EHBP1: variants seen among roughly 807,000 people sequenced by gnomAD.
EHBP1 encodes EH domain-binding protein 1.
A neutral mutation model predicts 144.0 loss-of-function variants in EHBP1; 55 were observed. The ratio of observed to expected loss-of-function variants is 0.38; its 90% CI spans 0.31 to 0.48. EHBP1 has a LOEUF of 0.48. Among genes scored for constraint, EHBP1 ranks in the 20% least tolerant of loss-of-function variants. The pLI is 0.98. For synonymous variants in EHBP1, 469 were observed against 472.7 expected (o/e 0.99, Z 0.10); for missense variants, 1,200 against 1,364.2 (o/e 0.88, Z 1.90).
At chr2:62,781,069 T>A (rs1424914536) in intron 5 of EHBP1, among the ~76,000 whole-genome samples, 1 of 151,978 alleles carries the variant, frequency 6.6e-6, no homozygotes. Flanking sequence ...ATACTGAGAG[T>A]GTAATGGTGA....
intron 6 of EHBP1, among the ~76,000 whole-genome samples, chr2:62,829,544 C>G (rs2046628663): frequency 6.8e-6 from 1 of 147,712 alleles, no homozygotes; most frequent in African/African-American, 2.5e-5. Context: ...TATTTTGTTC[C>G]TTTTTAAGGC....
rs149910619 is a variant in EHBP1, at chr2:62,842,232, G to C, written c.634+11074G>C. 8.1e-3 allele frequency among the ~76,000 whole-genome samples: 1,228 copies of C among 152,166 alleles called. 11 individuals are homozygous for C. In the Middle Eastern group the frequency reaches 0.1, roughly 13 times the overall value. ...CTCCCGAGTAGCTGGGATCACAGGC[G>C]TGTGCCACCACACTCAGCTAATTTT... On this transcript the variant is annotated intron_variant, in intron 7 of 22. Coordinates refer to ENST00000431489, the MANE Select transcript of EHBP1 (RefSeq NM_001142616.3).
At chr2:62,862,938 T>C (rs922783042) in intron 8 of EHBP1, among the ~76,000 whole-genome samples, 2 of 151,992 alleles carry the variant, frequency 1.3e-5, no homozygotes, top group African/African-American at 4.8e-5. Context: ...TCGTGCTAAG[T>C]ACTACTACTA....
At chr2:62,688,957 T>G (rs1343306379) in intron 1 of EHBP1, among the ~76,000 whole-genome samples, 1 of 152,230 alleles carries the variant, frequency 6.6e-6, no homozygotes, top group Non-Finnish European at 1.5e-5. Context: ...GGTCCTGGTA[T>G]GCATACTGAG....
At chr2:62,715,997 C>T (rs775379864) in intron 2 of EHBP1, among the ~76,000 whole-genome samples, 12 of 151,818 alleles carry the variant, frequency 7.9e-5, no homozygotes, top group Non-Finnish European at 1.2e-4. Flanking sequence ...GAACATCTTG[C>T]TCTACACCCT....
intron 10 of EHBP1, among the ~76,000 whole-genome samples, chr2:62,879,952 ACTAT>A (rs776147438): frequency 9.9e-5 from 15 of 152,206 alleles, no homozygotes; most frequent in Non-Finnish European, 2.2e-4. Flanking sequence ...GAGGCATCAC[ACTAT>A]CTGACTTTAG....
chr2:62,855,841 C>T (rs1337720515), intron 7 of EHBP1, among the ~76,000 whole-genome samples: 1 of 152,138 alleles, frequency 6.6e-6, no homozygotes, highest in East Asian at 1.9e-4. Context: ...GTTCCAGGGC[C>T]TCCTGTCTGC....
At chr2:62,886,705 C>T (rs977446664) in intron 10 of EHBP1, among the ~76,000 whole-genome samples, 2 of 152,144 alleles carry the variant, frequency 1.3e-5, no homozygotes, top group Non-Finnish European at 2.9e-5. Context: ...CTTCAATCTG[C>T]TTTTACCTTT....
At chr2:62,884,201 C>T (rs987098831) in intron 10 of EHBP1, among the ~76,000 whole-genome samples, 5 of 152,010 alleles carry the variant, frequency 3.3e-5, no homozygotes, top group Admixed American at 2.0e-4. Flanking sequence ...GGAGGTATGC[C>T]GAACATTGAG....
At chr2:62,703,179 C>T (rs543087721), upstream of EHBP1, among the ~76,000 whole-genome samples, 58 of 151,742 alleles carry the variant, frequency 3.8e-4, no homozygotes, top group African/African-American at 1.4e-3. Flanking sequence ...GAAAAATTAG[C>T]CTATCAGTTA....
chr2:63,042,947 TA>T (rs1319394470), intron 21 of EHBP1, among the ~76,000 whole-genome samples: 3 of 152,070 alleles, frequency 2.0e-5, no homozygotes, highest in Non-Finnish European at 4.4e-5. Flanking sequence ...GGTTTCGAAG[TA>T]AATAATTATA....
At chr2:62,858,312 C>G (rs2049232692) in intron 7 of EHBP1, 1 of 730,650 alleles carries the variant, frequency 1.4e-6, no homozygotes, top group East Asian at 2.5e-5. Context: ...AACCAAACAT[C>G]TCCTCTTTGT....
chr2:62,901,327 A>C (rs919113512), intron 10 of EHBP1, among the ~76,000 whole-genome samples: 4 of 152,184 alleles, frequency 2.6e-5, no homozygotes, highest in African/African-American at 9.6e-5. Context: ...AATAGCAACA[A>C]ATTATAGATT....
chr2:62,687,677 A>G (rs1203548706), intron 1 of EHBP1, among the ~76,000 whole-genome samples: 5 of 152,204 alleles, frequency 3.3e-5, no homozygotes, highest in Admixed American at 6.5e-5. Flanking sequence ...TCTAAGTACG[A>G]GAGTCCAGCT....
chr2:62,803,613 A>G (rs1176261619), intron 5 of EHBP1, among the ~76,000 whole-genome samples: 1 of 152,180 alleles, frequency 6.6e-6, no homozygotes, highest in African/African-American at 2.4e-5. Context: ...TGAATTGTTC[A>G]TGCCCACCCA....
intron 1 of EHBP1, among the ~76,000 whole-genome samples, chr2:62,697,766 A>C (rs1385715839): frequency 6.6e-6 from 1 of 152,250 alleles, no homozygotes. Flanking sequence ...TATCATTCAA[A>C]GTTGTACTCT....
At chr2:62,739,284 A>G (rs1234854556) in intron 2 of EHBP1, among the ~76,000 whole-genome samples, 2 of 152,170 alleles carry the variant, frequency 1.3e-5, no homozygotes, top group Non-Finnish European at 2.9e-5. Context: ...AAGACAGACA[A>G]ATCTAGTCAT....
chr2:62,773,397 G>T (rs557337650), intron 5 of EHBP1, among the ~76,000 whole-genome samples: 1 of 152,088 alleles, frequency 6.6e-6, no homozygotes, highest in East Asian at 1.9e-4. Flanking sequence ...TGCATAAGTA[G>T]ATTTAACGAG....
intron 10 of EHBP1, among the ~76,000 whole-genome samples, chr2:62,910,334 A>G (rs2054121040): frequency 2.0e-5 from 3 of 152,192 alleles, no homozygotes; most frequent in Admixed American, 6.5e-5. Context: ...ACTTTAAAGA[A>G]TCATCTCTCA....
Sources: allele counts gnomAD v4.1 joint callset (sites outside exome capture counted in the v4.1 genomes callset), GRCh38; gene constraint gnomAD v4.1.1; transcripts MANE v1.5; gene names NCBI Gene and HGNC (gene_info 2026-07-23, HGNC 2026-07-21).